The following DOCK2 variants were observed in gnomAD, a reference collection of about 807,000 sequenced individuals.
DOCK2 encodes the protein dedicator of cytokinesis protein 2.
A neutral mutation model predicts 248.9 loss-of-function variants in DOCK2; 87 were observed. The observed-to-expected ratio is 0.35, with a 90% CI of 0.29 to 0.42. DOCK2 has a LOEUF of 0.42. DOCK2 is among the 10% of genes least tolerant of loss of function. DOCK2 has a pLI of 1.00. For missense variants in DOCK2, 1,747 were observed against 2,300.2 expected (o/e 0.76, Z 4.92); for synonymous variants, 805 against 821.6 (o/e 0.98, Z 0.35).
chr5:169,995,962 A>T (rs966314380), intron 29 of DOCK2, 124 bp from the exon 30 acceptor site: 2 of 928,952 alleles, frequency 2.2e-6, no homozygotes, highest in African/African-American at 3.3e-5. Flanking sequence ...TGACCTCTCT[A>T]AATCAGTAAT....
intron 35 of DOCK2, 47 bp from the exon 36 acceptor site, chr5:170,036,468 A>C: frequency 1.3e-6 from 2 of 1,588,386 alleles, no homozygotes; most frequent in Non-Finnish European, 1.7e-6. Flanking sequence ...GACCGCTGTG[A>C]TATTGCAGAG....
At chr5:169,886,178 G>A (rs749871506) in intron 27 of DOCK2, among the ~76,000 whole-genome samples, 2 of 152,180 alleles carry the variant, frequency 1.3e-5, no homozygotes, top group African/African-American at 4.8e-5. Flanking sequence ...TATTAGTGGC[G>A]TGAGAACAAA....
intron 44 of DOCK2, among the ~76,000 whole-genome samples, chr5:170,060,790 G>A (rs771597480): frequency 6.6e-6 from 1 of 152,102 alleles, no homozygotes; most frequent in Non-Finnish European, 1.5e-5. Context: ...CCAACACTTT[G>A]GGAGGCTGGG....
chr5:169,869,309 C>A (rs1236422966), intron 27 of DOCK2, among the ~76,000 whole-genome samples: 1 of 152,156 alleles, frequency 6.6e-6, no homozygotes, highest in Non-Finnish European at 1.5e-5. Context: ...CTCCCCACTC[C>A]CCTCTTGTGA....
rs1206327291 is a variant in DOCK2 at position 170,083,055 on chromosome 5, A to G, written c.*197A>G. On this transcript the variant is annotated 3_prime_UTR_variant, in exon 52 of 52. Transcript: ENST00000520908. The stretch of plus-strand genomic sequence containing the variant: ...CCCAGCATCCCCTGGGGCTGTGATC[A>G]TGGTGGATGAGGAAGCCTCAACGTA... 17 of 623,016 alleles carry G rather than the reference A, an allele frequency of 2.7e-5. No homozygotes were observed. The highest frequency in any genetic ancestry group is 3.3e-5 in the Non-Finnish European group (12 of 363,818). 38.6% of individuals were successfully genotyped at this position (623,016 alleles called of 1,614,324 possible). A position where few individuals can be genotyped will look rare whatever the true frequency, so the allele number is the denominator to read the frequency against.
chr5:169,944,140 G>C (rs929791136), intron 27 of DOCK2, among the ~76,000 whole-genome samples: 3 of 152,156 alleles, frequency 2.0e-5, no homozygotes, highest in African/African-American at 7.2e-5. Flanking sequence ...TGATTTTATG[G>C]ATGGAGAAAT....
At chr5:169,994,269 A>G (rs1241372455) in intron 29 of DOCK2, among the ~76,000 whole-genome samples, 3 of 152,158 alleles carry the variant, frequency 2.0e-5, no homozygotes, top group East Asian at 1.9e-4. Context: ...AGTATGTGAG[A>G]GCATAGAGGG....
chr5:170,032,847 C>T (rs1413543201), intron 34 of DOCK2, among the ~76,000 whole-genome samples: 1 of 152,152 alleles, frequency 6.6e-6, no homozygotes, highest in African/African-American at 2.4e-5. Context: ...TACCTTTACC[C>T]TCCTAAGGGC....
At chr5:169,973,509 C>T (rs1161866715) in intron 27 of DOCK2, among the ~76,000 whole-genome samples, 2 of 152,148 alleles carry the variant, frequency 1.3e-5, no homozygotes, top group African/African-American at 2.4e-5. Context: ...GCATGGTTAT[C>T]CCCATTCACA....
chr5:170,081,684 C>A (rs1758037377), intron 50 of DOCK2, 158 bp from the exon 51 acceptor site: 1 of 805,050 alleles, frequency 1.2e-6, no homozygotes, highest in Non-Finnish European at 1.9e-6. Context: ...TGTCCCCTGG[C>A]ACGGCAGGAA....
At chr5:169,663,240 C>T (rs1301998110) in intron 2 of DOCK2, among the ~76,000 whole-genome samples, 1 of 152,230 alleles carries the variant, frequency 6.6e-6, no homozygotes, top group Non-Finnish European at 1.5e-5. Flanking sequence ...GATGGGTCCC[C>T]AAGGCCTTGG....
intron 33 of DOCK2, among the ~76,000 whole-genome samples, chr5:170,021,865 T>C (rs1413899903): frequency 6.6e-6 from 1 of 152,114 alleles, no homozygotes; most frequent in Non-Finnish European, 1.5e-5. Flanking sequence ...CAAGCAGCCT[T>C]GATGGCCAGA....
intron 26 of DOCK2, among the ~76,000 whole-genome samples, chr5:169,827,022 G>A (rs1258668504): frequency 6.6e-6 from 1 of 152,064 alleles, no homozygotes; most frequent in Non-Finnish European, 1.5e-5. Context: ...CACGTAGTGA[G>A]TCGGTACCAC....
At chr5:169,755,955 C>A (rs1171561446) in intron 23 of DOCK2, among the ~76,000 whole-genome samples, 1 of 152,146 alleles carries the variant, frequency 6.6e-6, no homozygotes, top group African/African-American at 2.4e-5. Flanking sequence ...AGTCCTCTGA[C>A]AAATGCTGAC....
intron 25 of DOCK2, among the ~76,000 whole-genome samples, chr5:169,766,274 C>T (rs923953581): frequency 5.9e-5 from 9 of 152,138 alleles, no homozygotes; most frequent in African/African-American, 2.2e-4. Flanking sequence ...TCTTTGCATC[C>T]ATGTGAACTC....
chr5:169,769,987 G>A (rs978434061), intron 25 of DOCK2, among the ~76,000 whole-genome samples: 3 of 152,148 alleles, frequency 2.0e-5, no homozygotes, highest in African/African-American at 7.2e-5. Flanking sequence ...GCTCTCAGAG[G>A]CTGGTCTGTG....
intron 26 of DOCK2, among the ~76,000 whole-genome samples, chr5:169,832,084 C>G (rs1379305618): frequency 6.6e-6 from 1 of 152,186 alleles, no homozygotes; most frequent in Non-Finnish European, 1.5e-5. Context: ...GTTGGGCCAT[C>G]TGTGAATGGA....
intron 24 of DOCK2, among the ~76,000 whole-genome samples, chr5:169,761,010 T>TA (rs1174830066): frequency 1.3e-5 from 2 of 152,114 alleles, no homozygotes; most frequent in African/African-American, 2.4e-5. Flanking sequence ...TTCATAGTTT[T>TA]AAAAAAAATT....
chr5:169,792,451 ATGTG>A (rs56969878), intron 25 of DOCK2, among the ~76,000 whole-genome samples: 2 of 149,210 alleles, frequency 1.3e-5, no homozygotes, highest in African/African-American at 5.0e-5. Flanking sequence ...TATTTTATAT[ATGTG>A]TGTGTGTGTG....
Sources: gnomAD v4.1 joint callset for allele counts (sites outside exome capture counted in the v4.1 genomes callset) on GRCh38, gnomAD v4.1.1 for gene constraint, MANE v1.5 for transcripts, NCBI Gene and HGNC (gene_info 2026-07-23, HGNC 2026-07-21) for gene names.